Variants in CCL3 observed in about 807,000 individuals in gnomAD.
CCL3 encodes C-C motif chemokine ligand 3, also known as C-C motif chemokine 3.
A neutral mutation model predicts 8.1 loss-of-function variants in CCL3; 6 were observed. That is an observed-to-expected ratio of 0.74 (90% CI 0.41 to 1.46). The LOEUF is 1.46. Among genes scored for constraint, CCL3 ranks in the 40% most tolerant of loss-of-function variants. The pLI, the probability that CCL3 is intolerant of heterozygous loss-of-function variation, is 0.02. For synonymous variants in CCL3, 45 were observed against 45.1 expected (o/e 1.00, Z 0.01); for missense variants, 109 against 117.7 (o/e 0.93, Z 0.34).
intron 2 of CCL3, 113 bp downstream of exon 2, chr17:36,089,070 C>T: frequency 7.3e-7 from 1 of 1,379,036 alleles, no homozygotes; most frequent in South Asian, 1.2e-5. Flanking sequence ...CGTCCTGTAT[C>T]CCCGATAGGC....
chr17:36,089,080 C>A, intron 2 of CCL3, 103 bp downstream of exon 2: 2 of 1,450,078 alleles, frequency 1.4e-6, no homozygotes, highest in Non-Finnish European at 1.9e-6. Context: ...CCCCGATAGG[C>A]TCCTGAAGGC....
Position 36,089,661 on chromosome 17 carries a change from T to C in CCL3, c.73+325A>G, listed in dbSNP as rs1286194968. On this transcript the variant is annotated intron_variant, in intron 1 of 2. Transcript: ENST00000613922. ...AGCTCCTGGGAGACCTAGAGTGAGC[T>C]GGAGAGTGAACAACATACCCCACTG... 2.9e-5 allele frequency: 19 copies of C among 656,624 alleles called. No homozygotes were observed. The East Asian group carries it at 5.5e-4, about 19-fold the overall frequency. 40.7% of individuals were successfully genotyped at this position (656,624 alleles called of 1,614,324 possible). A position where few individuals can be genotyped will look rare whatever the true frequency, so the allele number is the denominator to read the frequency against.
intron 1 of CCL3, chr17:36,089,749 A>G (rs1254737420): frequency 7.1e-6 from 5 of 709,062 alleles, no homozygotes; most frequent in South Asian, 6.0e-5. Flanking sequence ...CTGTTTTTCT[A>G]TCTGTAAAAG....
intron 2 of CCL3, 147 bp from the exon 3 acceptor site, chr17:36,088,909 A>G (rs2067013676): frequency 1.8e-6 from 2 of 1,098,116 alleles, no homozygotes; most frequent in Non-Finnish European, 2.8e-6. Flanking sequence ...CTGTCTAGAG[A>G]GCTTCTCTCA....
intron 1 of CCL3, chr17:36,089,747 C>G: frequency 1.4e-6 from 1 of 709,384 alleles, no homozygotes; most frequent in East Asian, 2.7e-5. Flanking sequence ...CCCTGTTTTT[C>G]TATCTGTAAA....
chr17:36,089,913 G>T (rs1243778798), intron 1 of CCL3, 73 bp downstream of exon 1: 16 of 1,405,830 alleles, frequency 1.1e-5, no homozygotes, highest in African/African-American at 1.1e-4. Context: ...GGGCTTTTAG[G>T]CCACAAGAAA....
chr17:36,089,212 C>G lies in CCL3; in HGVS notation c.159G>C (p.Thr53=), dbSNP rs749492053. Residue 53 remains threonine, a synonymous_variant, in exon 2 of 3, where the codon ACG becomes ACC. Coordinates refer to ENST00000613922, the MANE Select transcript of CCL3 (RefSeq NM_002983.3). ...CACCGGGCTTGGAGCACTGGCTGCT[C>G]GTCTCAAAGTAGTCAGCTATGAAAT... ...PQNFIADYFE[T]SSQCSKPGVI... 1 of 1,613,934 alleles carries G rather than the reference C, an allele frequency of 6.2e-7. No homozygotes were observed. Among genetic ancestry groups the G allele is most frequent in the Non-Finnish European group, 8.5e-7 (1 of 1,179,886 alleles).
At chr17:36,089,325 G>T (rs371733758) in intron 1 of CCL3, 28 bp from the exon 2 acceptor site, 2 of 1,613,840 alleles carry the variant, frequency 1.2e-6, no homozygotes, top group Admixed American at 1.7e-5. Context: ...GAATGAGCCC[G>T]AGTCACAGCT....
chr17:36,089,251 C>T lies in CCL3; in HGVS notation c.120G>A (p.Arg40=), dbSNP rs776511123. The T allele has an allele frequency of 8.9e-5, 143 of 1,613,790 alleles. No homozygotes were observed. The highest frequency in any genetic ancestry group is 5.7e-4 in the Admixed American group (34 of 59,958). ...PTACCFSYTS[R]QIPQNFIADY... is the part of the protein sequence containing the mutation. Reference sequence around the variant, plus strand: ...CAGCTATGAAATTCTGTGGAATCTGCCGGGAGGTGTAGCTGAAGCAGCAGG... The same window carrying T: ...CAGCTATGAAATTCTGTGGAATCTGTCGGGAGGTGTAGCTGAAGCAGCAGG... The change falls in exon 2 of 3, where the codon CGG becomes CGA. Residue 40 remains arginine (R), a synonymous_variant. Coordinates refer to ENST00000613922, the MANE Select transcript of CCL3 (RefSeq NM_002983.3).
chr17:36,090,006 C>A lies in CCL3; in HGVS notation c.53G>T (p.Cys18Phe), dbSNP rs929381896. 2 of 1,613,826 alleles carry A rather than the reference C, an allele frequency of 1.2e-6. No individual in the cohort carries two copies. The highest frequency in any genetic ancestry group is 2.7e-5 in the African/African-American group (2 of 74,894). The change falls in exon 1 of 3, where the codon TGC (cysteine) becomes TTC (phenylalanine). Residue 18 changes from cysteine (C) to phenylalanine (F), a missense_variant. Transcript: ENST00000613922. ...CTCACGTGATGCAGAGAACTGGTTG[C>A]AGAGAGCCATGGTGCAGAGGAGGAC... is the stretch of plus-strand genomic sequence containing the variant. ...LAVLLCTMAL[C>F]NQFSASLAAD...
Position 36,088,755 on chromosome 17 carries a change from T to C in CCL3, c.196A>G (p.Thr66Ala). Residue 66 changes from threonine to alanine, a missense_variant, in exon 3 of 3, where the codon ACC becomes GCC. Physicochemically the swap from Thr to Ala is moderately conservative, Grantham distance 58 (BLOSUM62 0). Coordinates refer to ENST00000613922, the MANE Select transcript of CCL3 (RefSeq NM_002983.3). ...GCACAGACCTGCCGGCTTCGCTTGG[T>C]TAGGAAGCTGTGGAGAAGGGAGGAA... ...QCSKPGVIFL[T>A]KRSRQVCADP... 6.2e-7 allele frequency: 1 copy of C among 1,613,880 alleles called. No homozygotes were observed. The highest frequency in any genetic ancestry group is 8.5e-7 in the Non-Finnish European group (1 of 1,179,858).
rs141182065 is a variant in CCL3 at position 36,088,692 on chromosome 17, C to G, written c.259G>C (p.Asp87His). The G allele has an allele frequency of 6.2e-7, 1 of 1,613,556 alleles. No individual in the cohort carries two copies. The highest frequency in any genetic ancestry group is 8.5e-7 in the Non-Finnish European group (1 of 1,179,868). The change falls in exon 3 of 3, where the codon GAC (aspartate) becomes CAC (histidine). Residue 87 changes from aspartate (D) to histidine (H), a missense_variant. Coordinates refer to ENST00000613922, the MANE Select transcript of CCL3 (RefSeq NM_002983.3). ...ACCCCTCAGGCACTCAGCTCCAGGT[C>G]GCTGACATATTTCTGGACCCACTCC... The part of the protein sequence containing the change: ...SEEWVQKYVS[D>H]LELSA
rs2067007973 is a variant in CCL3 at position 36,088,615 on chromosome 17, C to T, written c.*57G>A. 2 of 1,598,214 alleles carry T rather than the reference C, an allele frequency of 1.3e-6. No homozygotes were observed. The highest frequency in any genetic ancestry group is 3.3e-5 in the Admixed American group (2 of 60,012). On this transcript the variant is annotated 3_prime_UTR_variant, in exon 3 of 3. Coordinates refer to ENST00000613922, the MANE Select transcript of CCL3 (RefSeq NM_002983.3). ...CACGCATGTTCCCAAGGCTCAGGCT[C>T]CTGCTCCTCCCCACTGGGCCCACCG...
intron 2 of CCL3, 137 bp downstream of exon 2, chr17:36,089,046 A>G: frequency 8.5e-7 from 1 of 1,172,058 alleles, no homozygotes; most frequent in Non-Finnish European, 1.3e-6. Context: ...GTCAGGTCAC[A>G]CCTCGGAGCC....
At chr17:36,089,503 C>T (rs1042294345) in intron 1 of CCL3, 10 of 636,482 alleles carry the variant, frequency 1.6e-5, no homozygotes, top group African/African-American at 1.5e-4. Flanking sequence ...CTCTGTTTCT[C>T]TGTGTGATCC....
At chr17:36,089,524 A>G (rs2067023212) in intron 1 of CCL3, 1 of 624,594 alleles carries the variant, frequency 1.6e-6, no homozygotes, top group Non-Finnish European at 2.8e-6. Flanking sequence ...AGATACCTGA[A>G]CGGACTGTTC....
At chr17:36,089,831 A>G (rs1372610425) in intron 1 of CCL3, 155 bp downstream of exon 1, 1 of 789,606 alleles carries the variant, frequency 1.3e-6, no homozygotes, top group African/African-American at 1.7e-5. Flanking sequence ...CCTTCTAGAG[A>G]TAAAAATAAA....
At chr17:36,088,887 C>T in intron 2 of CCL3, 125 bp from the exon 3 acceptor site, 1 of 1,291,048 alleles carries the variant, frequency 7.7e-7, no homozygotes. Flanking sequence ...TTCAGGGGCC[C>T]CCTGCCTATC....
chr17:36,089,040 G>A, intron 2 of CCL3, 143 bp downstream of exon 2: 1 of 1,119,872 alleles, frequency 8.9e-7, no homozygotes, highest in Non-Finnish European at 1.3e-6. Flanking sequence ...CTCCAAGTCA[G>A]GTCACACCTC....
Sources: gnomAD v4.1 joint callset for allele counts on GRCh38, gnomAD v4.1.1 for gene constraint, MANE v1.5 for transcripts, NCBI Gene and HGNC (gene_info 2026-07-23, HGNC 2026-07-21) for gene names.